The following MTHFSD variants were observed in gnomAD, a reference collection of about 807,000 sequenced individuals.
MTHFSD encodes the protein methenyltetrahydrofolate synthase domain-containing protein.
A neutral mutation model predicts 31.1 loss-of-function variants in MTHFSD; 37 were observed. The observed-to-expected ratio is 1.19, with a 90% CI of 0.91 to 1.56. The LOEUF (loss-of-function observed/expected upper bound fraction) is 1.56. Ranked by LOEUF, MTHFSD falls within the 40% of genes most tolerant of loss-of-function variation. MTHFSD has a pLI of 0.00. For missense variants in MTHFSD, 664 were observed against 510.1 expected, an observed-to-expected ratio of 1.30 and a Z score of -2.91; for synonymous variants, 221 against 206.9, an observed-to-expected ratio of 1.07 and a Z score of -0.59.
chr16:86,538,462 C>T (rs1971023986), intron 7 of MTHFSD, among the ~76,000 whole-genome samples: 1 of 152,214 alleles, frequency 6.6e-6, no homozygotes, highest in Non-Finnish European at 1.5e-5. Context: ...ACTCATAGGA[C>T]ACCACTCAGC....
intron 3 of MTHFSD, among the ~76,000 whole-genome samples, chr16:86,550,592 C>T (rs9922082): frequency 0.9 from 137,223 of 152,248 alleles, 61,866 homozygotes; most frequent in South Asian, 0.91. Flanking sequence ...TCAAGTGTCA[C>T]AGAGGAGCAG....
chr16:86,554,759 A>T lies in MTHFSD; in HGVS notation c.17-8T>A. On this transcript the variant is annotated splice_region_variant and splice_polypyrimidine_tract_variant and intron_variant, in intron 1 of 7. Transcript: ENST00000360900. ...CCTGTTTGGAGACACCTACTGCAACAAAAGATTCCCACTTAATAACATACA... is the reference window on the plus strand; with the variant it reads ...CCTGTTTGGAGACACCTACTGCAACTAAAGATTCCCACTTAATAACATACA... 6.2e-7 allele frequency: 1 copy of T among 1,604,508 alleles called. No homozygotes were observed. The highest frequency in any genetic ancestry group is 8.5e-7 in the Non-Finnish European group (1 of 1,171,716).
chr16:86,550,956 T>A (rs1486992607), intron 3 of MTHFSD, among the ~76,000 whole-genome samples: 2 of 152,176 alleles, frequency 1.3e-5, no homozygotes, highest in Non-Finnish European at 2.9e-5. Flanking sequence ...GGTGGGAGAA[T>A]GGAGTCAGCA....
intron 5 of MTHFSD, among the ~76,000 whole-genome samples, chr16:86,545,380 G>T (rs1597360492): frequency 6.6e-6 from 1 of 152,122 alleles, no homozygotes; most frequent in African/African-American, 2.4e-5. Context: ...TACACAGGGG[G>T]TTAGCTAAAC....
At position 86,535,589 on chromosome 16, in the gene MTHFSD, C is replaced by G. The variant is rs554858100; in HGVS notation, c.682-3108G>C. ...CATTTTTGCCTTTTTATAACTAATT[C>G]TATTCTAAAAAAAAAAAATAGAATA... On this transcript the variant is annotated intron_variant, in intron 7 of 7. Coordinates refer to ENST00000360900, the MANE Select transcript of MTHFSD (RefSeq NM_001159377.2). 6.4e-6 allele frequency: 5 copies of G among 777,804 alleles called. No individual in the cohort carries two copies. The African/African-American group carries it at 1.4e-4, about 22-fold the overall frequency. 48.2% of individuals were successfully genotyped at this position (777,804 alleles called of 1,614,324 possible). A position where few individuals can be genotyped will look rare whatever the true frequency, so the allele number is the denominator to read the frequency against.
chr16:86,541,519 T>C (rs1971511564), intron 7 of MTHFSD, 178 bp downstream of exon 7: 1 of 855,074 alleles, frequency 1.2e-6, no homozygotes. Context: ...CATACGCAGA[T>C]TCTTAGGCCT....
At chr16:86,554,901 C>T (rs1973854946) in intron 1 of MTHFSD, 150 bp from the exon 2 acceptor site, 2 of 1,048,668 alleles carry the variant, frequency 1.9e-6, no homozygotes, top group South Asian at 3.3e-5. Flanking sequence ...CCTCAAGGGG[C>T]CCACGGGCTC....
At chr16:86,541,433 C>A in intron 7 of MTHFSD, 2 of 613,298 alleles carry the variant, frequency 3.3e-6, no homozygotes, top group Non-Finnish European at 5.4e-6. Flanking sequence ...CATTCACCCT[C>A]CCAGCCCATG....
Position 86,548,472 on chromosome 16 carries a change from T to C in MTHFSD, c.343A>G (p.Thr115Ala). 1.2e-6 allele frequency: 2 copies of C among 1,613,160 alleles called. No individual in the cohort carries two copies. Among genetic ancestry groups the C allele is most frequent in the Non-Finnish European group, 1.7e-6 (2 of 1,179,368 alleles). The change falls in exon 4 of 8, where the codon ACC (threonine) becomes GCC (alanine). Residue 115 changes from threonine to alanine, a missense_variant. Coordinates refer to ENST00000360900, the MANE Select transcript of MTHFSD (RefSeq NM_001159377.2). ...TTGCTTCTGGTACTTACCTGAGAGG[T>C]GGCACATTTTCTCAAGATGTCTTTA... is the stretch of plus-strand genomic sequence containing the variant. ...ATKDILRKCA[T>A]SQGVRNYSVP...
At position 86,541,820 on chromosome 16, in the gene MTHFSD, G is replaced by A. The variant is rs765985863; in HGVS notation, c.558C>T (p.Val186=). ...PVVTIVHDCQ[V]VDIPEELVEE... ...CAACAAGCTCTTCAGGGATGTCCAC[G>A]ACCTGGGGGAAGAGAGGAGGGATAA... Residue 186 remains valine (V), a splice_region_variant and synonymous_variant, in exon 7 of 8, where the codon GTC becomes GTT. Coordinates refer to ENST00000360900, the MANE Select transcript of MTHFSD (RefSeq NM_001159377.2). 4.3e-6 allele frequency: 7 copies of A among 1,613,938 alleles called. No homozygotes were observed. The highest frequency in any genetic ancestry group is 1.7e-4 in the Middle Eastern group (1 of 6,060).
At position 86,545,740 on chromosome 16, in the gene MTHFSD, C is replaced by T. The variant is rs1455754217; in HGVS notation, c.442+819G>A. Among the ~76,000 whole-genome samples the T allele has an allele frequency of 3.3e-5, 5 of 152,194 alleles. No homozygotes were observed. The East Asian group carries it at 7.7e-4, about 23-fold the overall frequency. On this transcript the variant is annotated intron_variant, in intron 5 of 7. Coordinates refer to ENST00000360900, the MANE Select transcript of MTHFSD (RefSeq NM_001159377.2). ...TCACGTCCTGTCCTGGTCCAGCTCT[C>T]GTGTCTGGCCCACCCACACACCATG...
At chr16:86,538,915 G>T (rs1170429492) in intron 7 of MTHFSD, among the ~76,000 whole-genome samples, 2 of 152,166 alleles carry the variant, frequency 1.3e-5, no homozygotes, top group Non-Finnish European at 2.9e-5. Flanking sequence ...GGGTCTGTGG[G>T]TGAGGCGATC....
rs759927014 is a variant in MTHFSD, at chr16:86,542,203, G to A, written c.453C>T (p.Ile151=). The A allele has an allele frequency of 6.8e-6, 11 of 1,613,208 alleles. No homozygotes were observed. The highest frequency in any genetic ancestry group is 1.7e-5 in the Admixed American group (1 of 59,958). The stretch of plus-strand genomic sequence containing the variant: ...GATCGGCGTAGCCTTCTCCCTTCCC[G>A]ATTCTCCAGCCTAAGAGACAACCGA... ...SVAVSEKGWR[I]GKGEGYADLE... Residue 151 remains isoleucine, a synonymous_variant, in exon 6 of 8, where the codon ATC becomes ATT. Transcript: ENST00000360900. The surrounding 1 kb of genome is among the most constrained non-coding windows in gnomAD (Gnocchi z 4.6).
At chr16:86,547,538 C>T (rs1972504141) in intron 4 of MTHFSD, 8 of 986,594 alleles carry the variant, frequency 8.1e-6, no homozygotes, top group Middle Eastern at 5.2e-4. Context: ...CTCATCATCT[C>T]GCAGGGTCCA....
At chr16:86,555,065 C>G (rs115749345) in intron 1 of MTHFSD, 104 bp downstream of exon 1, 1 of 1,489,014 alleles carries the variant, frequency 6.7e-7, no homozygotes, top group Middle Eastern at 1.7e-4. Flanking sequence ...TCCGGTGATT[C>G]TGCCCCATCC....
rs780483834 is a variant in MTHFSD, at chr16:86,532,088, C to T, written c.1075G>A (p.Val359Ile). 141 of 1,530,652 alleles carry T rather than the reference C, an allele frequency of 9.2e-5. No homozygotes were observed. Among genetic ancestry groups the T allele is most frequent in the Admixed American group, 4.8e-4 (24 of 49,870 alleles). The allele number at this position is 1,530,652 out of a possible 1,614,324, so 94.8% of individuals were successfully genotyped here. ...AGGCGCAGGCCCTGCAAGCAGGAGA[C>T]GGCCTGCTGGGCTGCGGCAGAGTCC... Reference protein sequence around the residue: ...YPDSAAAQQAVSCLQGLRLGT... With the variant: ...YPDSAAAQQAISCLQGLRLGT... The change falls in exon 8 of 8, where the codon GTC (valine) becomes ATC (isoleucine). Residue 359 changes from valine (V) to isoleucine (I), a missense_variant. Physicochemically the swap from Val to Ile is conservative, Grantham distance 29 (BLOSUM62 3). Transcript: ENST00000360900.
intron 7 of MTHFSD, chr16:86,540,665 A>G: frequency 1.0e-6 from 1 of 987,532 alleles, no homozygotes; most frequent in Non-Finnish European, 1.2e-6. Flanking sequence ...GCTTCCACTT[A>G]CAAGGAAGCT....
intron 7 of MTHFSD, chr16:86,541,477 A>T: frequency 1.4e-6 from 1 of 692,744 alleles, no homozygotes; most frequent in Non-Finnish European, 2.3e-6. Flanking sequence ...GGCAGATTTT[A>T]AACCTAGCTG....
At chr16:86,548,686 A>G in intron 3 of MTHFSD, 109 bp from the exon 4 acceptor site, 2 of 856,476 alleles carry the variant, frequency 2.3e-6, no homozygotes, top group Non-Finnish European at 3.5e-6. Flanking sequence ...TATTATCCGC[A>G]TGGTTTTTTT....
Sources: gnomAD v4.1 joint callset for allele counts (sites outside exome capture counted in the v4.1 genomes callset) on GRCh38, gnomAD v4.1.1 for gene constraint, Gnocchi (gnomAD v3.1) non-coding constraint, MANE v1.5 for transcripts, NCBI Gene and HGNC (gene_info 2026-07-23, HGNC 2026-07-21) for gene names.